Variants in CDH4 observed in about 807,000 individuals in gnomAD.
CDH4 encodes cadherin 4.
In CDH4, 33 loss-of-function variants were observed where a neutral mutation model predicts 86.0. The ratio of observed to expected loss-of-function variants is 0.38; its 90% CI spans 0.29 to 0.51. The LOEUF (loss-of-function observed/expected upper bound fraction) is 0.51. Among genes scored for constraint, CDH4 ranks in the 20% least tolerant of loss-of-function variants. The probability of loss-of-function intolerance (pLI) is 0.86; values close to 1 mark genes in which losing one functional copy is unlikely to be tolerated. For missense variants in CDH4, 1,114 were observed against 1,307.4 expected, an observed-to-expected ratio of 0.85 and a Z score of 2.28; for synonymous variants, 555 against 549.4, an observed-to-expected ratio of 1.01 and a Z score of -0.14.
intron 2 of CDH4, among the ~76,000 whole-genome samples, chr20:61,675,355 C>G (rs1262543254): frequency 6.5e-5 from 4 of 61,982 alleles, no homozygotes; most frequent in Non-Finnish European, 9.4e-5. Context: ...AAACAACCAT[C>G]GTAGGGGCTG....
At chr20:61,373,527 G>C (rs373486434) in intron 2 of CDH4, among the ~76,000 whole-genome samples, 2 of 152,142 alleles carry the variant, frequency 1.3e-5, no homozygotes, top group Non-Finnish European at 2.9e-5. Flanking sequence ...CCTGGGGCTC[G>C]CAGGACCATT....
chr20:61,376,638 G>A (rs2084874112), intron 2 of CDH4, among the ~76,000 whole-genome samples: 1 of 152,156 alleles, frequency 6.6e-6, no homozygotes, highest in Non-Finnish European at 1.5e-5. Context: ...GCATCTTACT[G>A]AGCATTCTCC....
At chr20:61,279,406 C>T (rs1393830818) in intron 2 of CDH4, among the ~76,000 whole-genome samples, 1 of 152,198 alleles carries the variant, frequency 6.6e-6, no homozygotes, top group Non-Finnish European at 1.5e-5. Context: ...GCCTGGCAGC[C>T]CCTGCGTCTC....
chr20:61,664,409 C>A (rs1377093759), intron 2 of CDH4, among the ~76,000 whole-genome samples: 2 of 152,208 alleles, frequency 1.3e-5, no homozygotes, highest in Admixed American at 1.3e-4. Flanking sequence ...ACAGCTGGGG[C>A]ATGGGGAGAG....
chr20:61,385,142 T>C (rs2145455708), intron 2 of CDH4, among the ~76,000 whole-genome samples: 1 of 150,146 alleles, frequency 6.7e-6, no homozygotes, highest in African/African-American at 2.5e-5. Context: ...GAATGTGGCC[T>C]CCATCCTCTC....
At chr20:61,813,009 C>T (rs755849807) in intron 4 of CDH4, among the ~76,000 whole-genome samples, 7 of 152,226 alleles carry the variant, frequency 4.6e-5, no homozygotes, top group African/African-American at 1.4e-4. Context: ...CTCTCCGGGC[C>T]GCAGGGCTGG....
At chr20:61,369,536 C>A (rs1216290173) in intron 2 of CDH4, among the ~76,000 whole-genome samples, 2 of 149,660 alleles carry the variant, frequency 1.3e-5, no homozygotes, top group African/African-American at 4.9e-5. Context: ...TAGAAGATGG[C>A]ATTGCATCTT....
intron 4 of CDH4, among the ~76,000 whole-genome samples, chr20:61,800,417 A>C (rs905824163): frequency 1.3e-5 from 2 of 152,242 alleles, no homozygotes; most frequent in Non-Finnish European, 2.9e-5. Context: ...CTTCAGGGCC[A>C]CTGTCACTGC....
At chr20:61,468,792 A>G (rs574212392) in intron 2 of CDH4, among the ~76,000 whole-genome samples, 1 of 152,314 alleles carries the variant, frequency 6.6e-6, no homozygotes, top group South Asian at 2.1e-4. Flanking sequence ...TCCCAGAAAT[A>G]AGTGAGAACA....
intron 2 of CDH4, among the ~76,000 whole-genome samples, chr20:61,665,982 C>T (rs968882472): frequency 6.6e-6 from 1 of 152,314 alleles, no homozygotes; most frequent in East Asian, 1.9e-4. Context: ...TGGGCGGGGT[C>T]CAGGTGGGAG....
chr20:61,822,258 G>A (rs1267412311), intron 4 of CDH4, among the ~76,000 whole-genome samples: 1 of 152,146 alleles, frequency 6.6e-6, no homozygotes, highest in African/African-American at 2.4e-5. Context: ...GGAAACCTTT[G>A]TCATTTATTC....
At chr20:61,302,488 G>T (rs576354374) in intron 2 of CDH4, among the ~76,000 whole-genome samples, 1 of 148,912 alleles carries the variant, frequency 6.7e-6, no homozygotes, top group Non-Finnish European at 1.5e-5. Flanking sequence ...GCCTGGGTTG[G>T]GGGGGGTCTG....
chr20:61,469,571 C>T (rs1048138394), intron 2 of CDH4, among the ~76,000 whole-genome samples: 2 of 152,060 alleles, frequency 1.3e-5, no homozygotes, highest in East Asian at 1.9e-4. Context: ...TTGATGTAAT[C>T]TTATTTGTCC....
At position 61,671,453 on chromosome 20, in the gene CDH4, G is replaced by A. The variant is rs13043223; in HGVS notation, c.170-72110G>A. Among the ~76,000 whole-genome samples, 691 of 152,268 alleles carry A rather than the reference G, an allele frequency of 4.5e-3. 3 individuals carry two copies. Among genetic ancestry groups the A allele is most frequent in the Middle Eastern group, 0.02 (6 of 294 alleles). ...CAAGGTTGCAGTGAGCTGTGATCGT[G>A]TCACTGCACTCCAGCGTGGGCAACA... On this transcript the variant is annotated intron_variant, in intron 2 of 15. Coordinates refer to ENST00000614565, the MANE Select transcript of CDH4 (RefSeq NM_001794.5).
intron 2 of CDH4, among the ~76,000 whole-genome samples, chr20:61,692,285 G>GTA (rs1217463311): frequency 1.1e-4 from 16 of 151,954 alleles, no homozygotes; most frequent in Non-Finnish European, 2.2e-4. Flanking sequence ...TTGTGTGTGT[G>GTA]TGTGTGTCTG....
At chr20:61,783,296 G>A (rs1978644943) in intron 4 of CDH4, among the ~76,000 whole-genome samples, 2 of 152,210 alleles carry the variant, frequency 1.3e-5, no homozygotes, top group African/African-American at 4.8e-5. Flanking sequence ...GGTTTAAACT[G>A]TAAATTCTCC....
intron 2 of CDH4, among the ~76,000 whole-genome samples, chr20:61,627,118 G>T (rs1029570612): frequency 6.6e-6 from 1 of 152,132 alleles, no homozygotes; most frequent in African/African-American, 2.4e-5. Context: ...AGCGGCTTCT[G>T]GGGGCAGCAG....
chr20:61,569,546 C>G (rs1275183717), intron 2 of CDH4, among the ~76,000 whole-genome samples: 1 of 152,076 alleles, frequency 6.6e-6, no homozygotes, highest in African/African-American at 2.4e-5. Flanking sequence ...ACCTGTTGCC[C>G]CTAGATACTT....
chr20:61,565,101 CTCTTGGTGGTGCTGGTG>C (rs2086258651), intron 2 of CDH4, among the ~76,000 whole-genome samples: 1 of 40,966 alleles, frequency 2.4e-5, no homozygotes, highest in Non-Finnish European at 5.1e-5. Flanking sequence ...CTTGGTGGTG[CTCTTGGTGGTGCTGGTG>C]CTCTTGGTGG....
Sources: allele counts gnomAD v4.1 joint callset (sites outside exome capture counted in the v4.1 genomes callset), GRCh38; gene constraint gnomAD v4.1.1; transcripts MANE v1.5; gene names NCBI Gene and HGNC (gene_info 2026-07-23, HGNC 2026-07-21).